The following ABCA5 variants were observed in gnomAD, a reference collection of about 807,000 sequenced individuals.
ABCA5 encodes ATP binding cassette subfamily A member 5.
Under a neutral mutation model 206.0 loss-of-function variants are expected in ABCA5, and 163 were observed. That is an observed-to-expected ratio of 0.79 (90% confidence interval 0.70 to 0.90). The LOEUF (loss-of-function observed/expected upper bound fraction) is 0.90. ABCA5 is among the 40% of genes least tolerant of loss of function. The pLI, the probability that ABCA5 is intolerant of heterozygous loss-of-function variation, is 0.00. For missense variants in ABCA5, 1,859 were observed against 1,912.9 expected, an observed-to-expected ratio of 0.97 and a Z score of 0.53; for synonymous variants, 609 against 613.8, an observed-to-expected ratio of 0.99 and a Z score of 0.11.
At chr17:69,267,660 C>T (rs537637119) in intron 23 of ABCA5, among the ~76,000 whole-genome samples, 1 of 152,246 alleles carries the variant, frequency 6.6e-6, no homozygotes, top group South Asian at 2.1e-4. Context: ...GTCATATGAA[C>T]AATCCCATCT....
In ABCA5 at chr17:69,244,871, T is replaced by C. The variant is rs940125879; in HGVS notation, c.*2666A>G. On this transcript the variant is annotated 3_prime_UTR_variant, in exon 39 of 39. Transcript: ENST00000392676. ...AGCAAAGGATTTGTCATATTATAGT[T>C]AGTTATATAAAATAATAGCTAGTTA... The C allele has an allele frequency of 6.7e-6, 1 of 150,004 alleles. No homozygotes were observed. The highest frequency in any genetic ancestry group is 1.5e-5 in the Non-Finnish European group (1 of 67,484). 9.3% of individuals were successfully genotyped at this position (150,004 alleles called of 1,614,324 possible).
At chr17:69,254,541 AG>A (rs2075052831) in intron 31 of ABCA5, 51 bp from the exon 32 acceptor site, 1 of 1,490,646 alleles carries the variant, frequency 6.7e-7, no homozygotes, top group African/African-American at 1.4e-5. Flanking sequence ...TACACTGTGA[AG>A]GAAGTGGCAA....
At chr17:69,265,028 G>C in intron 23 of ABCA5, 123 bp from the exon 24 acceptor site, 1 of 585,378 alleles carries the variant, frequency 1.7e-6, no homozygotes, top group Non-Finnish European at 2.6e-6. Context: ...TACATTCCAG[G>C]CTTATAGGTA....
At chr17:69,310,283 T>C (rs2075756608) in intron 3 of ABCA5, among the ~76,000 whole-genome samples, 1 of 152,038 alleles carries the variant, frequency 6.6e-6, no homozygotes, top group African/African-American at 2.4e-5. Flanking sequence ...CGATAGTCAC[T>C]CATCACCATG....
At chr17:69,274,838 A>ATTTTTTTTTT (rs1491119445) in intron 19 of ABCA5, among the ~76,000 whole-genome samples, 2 of 49,686 alleles carry the variant, frequency 4.0e-5, no homozygotes, top group African/African-American at 5.6e-5. Flanking sequence ...TTAACCATTT[A>ATTTTTTTTTT]CTTTTTTTTT....
chr17:69,266,569 AAAAT>A (rs891670589), intron 23 of ABCA5, among the ~76,000 whole-genome samples: 1 of 141,488 alleles, frequency 7.1e-6, no homozygotes, highest in Non-Finnish European at 1.6e-5. Flanking sequence ...AAGTATAATA[AAAAT>A]ATATATATAT....
chr17:69,292,355 A>G (rs2075537664), intron 11 of ABCA5, among the ~76,000 whole-genome samples: 1 of 152,140 alleles, frequency 6.6e-6, no homozygotes, highest in Non-Finnish European at 1.5e-5. Flanking sequence ...ATTTACCTGT[A>G]AGCATATTTT....
At chr17:69,283,244 A>G (rs149432256) in intron 18 of ABCA5, among the ~76,000 whole-genome samples, 1 of 152,168 alleles carries the variant, frequency 6.6e-6, no homozygotes, top group Non-Finnish European at 1.5e-5. Flanking sequence ...TTGGCCTCCC[A>G]AAGTGCTGGG....
At chr17:69,263,696 C>CT (rs1386613565) in intron 24 of ABCA5, among the ~76,000 whole-genome samples, 1 of 18,984 alleles carries the variant, frequency 5.3e-5, no homozygotes, top group Admixed American at 3.6e-4. Context: ...TACATGGATT[C>CT]CTTTTTTTTT....
rs757303706 is a variant in ABCA5 at position 69,304,769 on chromosome 17, A to G, written c.830T>C (p.Met277Thr). 6 of 1,607,880 alleles carry G rather than the reference A, an allele frequency of 3.7e-6. No individual in the cohort carries two copies. In the African/African-American group the frequency reaches 5.4e-5, roughly 14 times the overall value. The stretch of plus-strand genomic sequence containing the variant: ...CGCAATGACTGCCATAAGAAGGGAC[A>G]TAAGAAAAATTAAACTTGTATATAG... ...VLLYTSLIFL[M>T]SLLMAVIATA... Residue 277 changes from methionine (M) to threonine (T), a missense_variant, in exon 7 of 39, where the codon ATG becomes ACG. Transcript: ENST00000392676.
chr17:69,299,455 TACACACACACACACATACACACACAC>T (rs1241534429), intron 9 of ABCA5, among the ~76,000 whole-genome samples: 3 of 62,554 alleles, frequency 4.8e-5, no homozygotes, highest in Non-Finnish European at 1.2e-4. Context: ...GAAAATGTGA[TACACACACACACACATACACACACAC>T]ACACACACAC....
intron 9 of ABCA5, among the ~76,000 whole-genome samples, chr17:69,299,812 T>C (rs2075632413): frequency 6.6e-6 from 1 of 152,016 alleles, no homozygotes; most frequent in African/African-American, 2.4e-5. Flanking sequence ...CTTATTCATG[T>C]AACCAAACAC....
intron 14 of ABCA5, among the ~76,000 whole-genome samples, chr17:69,288,912 G>A (rs1053122714): frequency 7.9e-5 from 12 of 151,960 alleles, no homozygotes; most frequent in South Asian, 2.1e-4. Context: ...GGAGATGGGT[G>A]CACTAAAACC....
chr17:69,258,323 T>A (rs1475168619), intron 28 of ABCA5, among the ~76,000 whole-genome samples: 1 of 152,154 alleles, frequency 6.6e-6, no homozygotes, highest in Admixed American at 6.6e-5. Flanking sequence ...ATATACACCA[T>A]GGAATACTCC....
At chr17:69,248,598 T>C in intron 37 of ABCA5, 2 of 246,604 alleles carry the variant, frequency 8.1e-6, no homozygotes, top group Non-Finnish European at 1.6e-5. Context: ...TCATGTCTTC[T>C]TTTGATCCCT....
rs2075748809 is a variant in ABCA5 at position 69,309,395 on chromosome 17, T to C, written c.336A>G (p.Glu112=). Residue 112 remains glutamate, a synonymous_variant, in exon 4 of 39, where the codon GAA becomes GAG. Coordinates refer to ENST00000392676, the MANE Select transcript of ABCA5 (RefSeq NM_172232.4). ...DVIITEEYTN[E]KEMLTSSLSK... ...AGAGACTGGATGTTAACATTTCTTT[T>C]TCATTTGTATATTCTTCAGTAATTA... 6.3e-7 allele frequency: 1 copy of C among 1,586,346 alleles called. No homozygotes were observed. The highest frequency in any genetic ancestry group is 8.5e-7 in the Non-Finnish European group (1 of 1,170,824).
rs890246577 is a variant in ABCA5, at chr17:69,251,829, C to T, written c.4453G>A (p.Ala1485Thr). ...IRTAFKNRKR[A>T]AILTTHYMEE... ...ATATAGTGAGTGGTCAGAATAGCAGCCCGCTTTCTGTTTTTAAATGCAGTT... is the reference window on the plus strand; with the variant it reads ...ATATAGTGAGTGGTCAGAATAGCAGTCCGCTTTCTGTTTTTAAATGCAGTT... The change falls in exon 35 of 39, where the codon GCT (alanine) becomes ACT (threonine). Residue 1485 changes from alanine to threonine, a missense_variant. Ala to Thr is a moderately conservative substitution (Grantham distance 58). Coordinates refer to ENST00000392676, the MANE Select transcript of ABCA5 (RefSeq NM_172232.4). The T allele has an allele frequency of 6.2e-6, 10 of 1,613,580 alleles. No individual in the cohort carries two copies. The East Asian group carries it at 8.9e-5, about 14-fold the overall frequency.
Position 69,263,537 on chromosome 17 carries a change from T to C in ABCA5, c.3315+1198A>G, listed in dbSNP as rs372132400. 1.1e-4 allele frequency among the ~76,000 whole-genome samples: 17 copies of C among 152,130 alleles called. No individual in the cohort carries two copies. In the East Asian group the frequency reaches 1.5e-3, roughly 14 times the overall value. On this transcript the variant is annotated intron_variant, in intron 24 of 38. Coordinates refer to ENST00000392676, the MANE Select transcript of ABCA5 (RefSeq NM_172232.4). ...AATTTTGTTGAAGATCAGATGGCTATAGATGTGTGGCTTTATTTCTGGGTC... is the reference window on the plus strand; with the variant it reads ...AATTTTGTTGAAGATCAGATGGCTACAGATGTGTGGCTTTATTTCTGGGTC...
rs1438547143 is a variant in ABCA5 at position 69,286,317 on chromosome 17, GATAA to G, written c.2042-10_2042-7del. ...TGATATCACAGCTTTCCTATCTGCA[GATAA>G]ATATTTACATTTCAATTTCTAAAGT... On this transcript the variant is annotated splice_polypyrimidine_tract_variant and splice_region_variant and intron_variant, in intron 15 of 38. Transcript: ENST00000392676. 2.5e-6 allele frequency: 4 copies of G among 1,586,150 alleles called. No individual in the cohort carries two copies. The South Asian group carries it at 4.7e-5, about 18-fold the overall frequency.
Sources: allele counts gnomAD v4.1 joint callset (sites outside exome capture counted in the v4.1 genomes callset), GRCh38; gene constraint gnomAD v4.1.1; transcripts MANE v1.5; gene names NCBI Gene and HGNC (gene_info 2026-07-23, HGNC 2026-07-21).